LMBR1: variants seen among roughly 807,000 people sequenced by gnomAD.
LMBR1 encodes limb region 1 protein homolog.
LMBR1 carries 52 observed loss-of-function variants against 73.9 expected under a neutral mutation model. The ratio of observed to expected loss-of-function variants is 0.70; its 90% CI spans 0.56 to 0.89. LMBR1 has a LOEUF of 0.89. LMBR1 is among the 40% of genes least tolerant of loss of function. The pLI is 0.00. For synonymous variants in LMBR1, 215 were observed against 209.4 expected (o/e 1.03, Z -0.23); for missense variants, 539 against 579.8 (o/e 0.93, Z 0.72).
At chr7:156,813,736 G>A (rs913895592) in intron 4 of LMBR1, among the ~76,000 whole-genome samples, 8 of 152,108 alleles carry the variant, frequency 5.3e-5, no homozygotes, top group African/African-American at 1.9e-4. Flanking sequence ...CTCAAATGAT[G>A]TTGTATTAGA....
In LMBR1 at chr7:156,709,896, ATTTTT is replaced by A. The variant is rs34487923; in HGVS notation, c.1225+14211_1225+14215del. ...GCCAGTTAAAGAATTCAGAAGGTTG[ATTTTT>A]TTTTTTTTTTTTTTTTTTTTTGAGA... On this transcript the variant is annotated intron_variant, in intron 15 of 16. Coordinates refer to ENST00000353442, the MANE Select transcript of LMBR1 (RefSeq NM_022458.4). 2.4e-4 allele frequency among the ~76,000 whole-genome samples: 22 copies of A among 90,356 alleles called. No individual in the cohort carries two copies. In the South Asian group the frequency reaches 2.8e-3, roughly 12 times the overall value. The allele number at this position is 90,356 out of a possible 152,430, so 59.3% of individuals were successfully genotyped here.
At chr7:156,827,996 C>G (rs1185421785) in intron 3 of LMBR1, among the ~76,000 whole-genome samples, 1 of 152,236 alleles carries the variant, frequency 6.6e-6, no homozygotes, top group Non-Finnish European at 1.5e-5. Flanking sequence ...AGTGCTGTCT[C>G]AGGTCCGCAG....
intron 5 of LMBR1, among the ~76,000 whole-genome samples, chr7:156,780,640 GAACT>G (rs1453714635): frequency 6.6e-6 from 1 of 152,244 alleles, no homozygotes. Context: ...GAAGAAATGA[GAACT>G]AACACTTGCA....
intron 9 of LMBR1, among the ~76,000 whole-genome samples, chr7:156,744,112 T>C (rs1427547650): frequency 2.0e-5 from 3 of 152,162 alleles, no homozygotes; most frequent in Admixed American, 2.0e-4. Context: ...TTTATATTAC[T>C]GCCCAGGCTG....
downstream of LMBR1, chr7:156,677,711 T>A (rs1804321328): frequency 6.6e-6 from 1 of 152,250 alleles, no homozygotes; most frequent in South Asian, 2.1e-4. Context: ...TACTCTCCTA[T>A]GTTTTGTGAT....
chr7:156,888,923 G>A lies in LMBR1; in HGVS notation c.66+4005C>T, dbSNP rs556912826. Among the ~76,000 whole-genome samples the A allele has an allele frequency of 1.1e-4, 16 of 151,828 alleles. No individual in the cohort carries two copies. The East Asian group carries it at 2.5e-3, about 24-fold the overall frequency. On this transcript the variant is annotated intron_variant, in intron 1 of 16. Transcript: ENST00000353442. The stretch of plus-strand genomic sequence containing the variant: ...ACAAAAATTAGCCAAGTGCGGTGGC[G>A]CATGCCTGTAATCCCAGCTACTCGG...
chr7:156,826,819 A>T, intron 3 of LMBR1, 75 bp from the exon 4 acceptor site: 1 of 1,357,244 alleles, frequency 7.4e-7, no homozygotes, highest in Non-Finnish European at 1.0e-6. Flanking sequence ...AAAGAATGCA[A>T]ACTCTTTAAT....
At chr7:156,806,884 T>A (rs1330327710) in intron 4 of LMBR1, among the ~76,000 whole-genome samples, 1 of 152,138 alleles carries the variant, frequency 6.6e-6, no homozygotes. Context: ...AGTGCTGGGA[T>A]TACAGGCGTG....
At position 156,891,237 on chromosome 7, in the gene LMBR1, C is replaced by T. The variant is rs35869157; in HGVS notation, c.66+1691G>A. Among the ~76,000 whole-genome samples the T allele has an allele frequency of 3.3e-3, 353 of 105,864 alleles. 3 individuals carry two copies. Among genetic ancestry groups the T allele is most frequent in the Non-Finnish European group, 5.2e-3 (277 of 53,110 alleles). The allele number at this position is 105,864 out of a possible 152,430, so 69.5% of individuals were successfully genotyped here. A position where few individuals can be genotyped will look rare whatever the true frequency, so the allele number is the denominator to read the frequency against. Reference sequence around the variant, plus strand: ...ATATATATATATATATATATATACACACACACACACACACACACACACATA... The same window carrying T: ...ATATATATATATATATATATATACATACACACACACACACACACACACATA... On this transcript the variant is annotated intron_variant, in intron 1 of 16. Coordinates refer to ENST00000353442, the MANE Select transcript of LMBR1 (RefSeq NM_022458.4).
At chr7:156,764,690 A>T (rs1433686421) in intron 5 of LMBR1, among the ~76,000 whole-genome samples, 1 of 152,268 alleles carries the variant, frequency 6.6e-6, no homozygotes, top group Non-Finnish European at 1.5e-5. Flanking sequence ...TAACATAAAA[A>T]TATGAGTTAT....
intron 9 of LMBR1, chr7:156,736,529 A>G (rs1817902366): frequency 4.4e-6 from 2 of 456,226 alleles, no homozygotes. Context: ...TCCTGAATCC[A>G]TTTTCCCAAA....
At chr7:156,765,252 G>C (rs2132961643) in intron 5 of LMBR1, among the ~76,000 whole-genome samples, 1 of 152,302 alleles carries the variant, frequency 6.6e-6, no homozygotes, top group South Asian at 2.1e-4. Context: ...TCGTGGGAAG[G>C]ACCCAGTGGG....
At position 156,679,665 on chromosome 7, in the gene LMBR1, T is replaced by C. The variant is rs1261728294; in HGVS notation, c.*4413A>G. ...GTTAAAACTTCAGTTCTCAGACCCA[T>C]AGCCCACACGTGACTCTCCACCTCC... is the stretch of plus-strand genomic sequence containing the variant. On this transcript the variant is annotated 3_prime_UTR_variant, in exon 17 of 17. Transcript: ENST00000353442. 3.9e-5 allele frequency: 6 copies of C among 152,082 alleles called. No homozygotes were observed. Among genetic ancestry groups the C allele is most frequent in the Non-Finnish European group, 8.8e-5 (6 of 68,048 alleles). The allele number at this position is 152,082 out of a possible 1,614,324, so 9.4% of individuals were successfully genotyped here.
At chr7:156,761,674 T>G (rs1823015136) in intron 8 of LMBR1, among the ~76,000 whole-genome samples, 1 of 152,112 alleles carries the variant, frequency 6.6e-6, no homozygotes, top group Non-Finnish European at 1.5e-5. Context: ...ACCAAAGTTC[T>G]ATTAAACAAA....
At chr7:156,892,899 C>G (rs1234104317) in intron 1 of LMBR1, 29 bp downstream of exon 1, 2 of 1,448,776 alleles carry the variant, frequency 1.4e-6, no homozygotes, top group Non-Finnish European at 1.8e-6. Flanking sequence ...GCACGCGGGA[C>G]TGTCAGGGCT....
rs28688108 is a variant in LMBR1 at position 156,825,183 on chromosome 7, C to T, written c.319+1422G>A. 2.1e-3 allele frequency among the ~76,000 whole-genome samples: 322 copies of T among 152,248 alleles called. 1 individual carries two copies. Among genetic ancestry groups the T allele is most frequent in the Middle Eastern group, 0.01 (3 of 294 alleles). ...TCAAAGGAGGACATTTTACCATTAA[C>T]TCATAAGGTTCTTACTAAGAAAAAA... On this transcript the variant is annotated intron_variant, in intron 4 of 16. Coordinates refer to ENST00000353442, the MANE Select transcript of LMBR1 (RefSeq NM_022458.4).
intron 1 of LMBR1, among the ~76,000 whole-genome samples, chr7:156,874,743 G>A (rs1056284525): frequency 6.6e-6 from 1 of 152,154 alleles, no homozygotes; most frequent in Non-Finnish European, 1.5e-5. Context: ...TTAGAAAAAG[G>A]GGGAGAGTAC....
chr7:156,866,153 T>C (rs984790358), intron 1 of LMBR1, among the ~76,000 whole-genome samples: 5 of 151,822 alleles, frequency 3.3e-5, no homozygotes, highest in African/African-American at 9.7e-5. Flanking sequence ...ACCCATAGAA[T>C]AGAAAATACT....
At chr7:156,853,111 T>G (rs915629365) in intron 1 of LMBR1, among the ~76,000 whole-genome samples, 5 of 151,550 alleles carry the variant, frequency 3.3e-5, no homozygotes, top group Admixed American at 2.6e-4. Context: ...GCTAATTTTT[T>G]GTATTTTTAG....
Sources: allele counts gnomAD v4.1 joint callset (sites outside exome capture counted in the v4.1 genomes callset), GRCh38; gene constraint gnomAD v4.1.1; transcripts MANE v1.5; gene names NCBI Gene and HGNC (gene_info 2026-07-23, HGNC 2026-07-21).